DENND4A: variants seen among roughly 807,000 people sequenced by gnomAD.
The protein encoded by DENND4A is DENN domain containing 4A.
Under a neutral mutation model 199.3 loss-of-function variants are expected in DENND4A, and 70 were observed. That is an observed-to-expected ratio of 0.35 (90% CI 0.29 to 0.43). DENND4A has a LOEUF of 0.43. Ranked by LOEUF, DENND4A falls within the 20% of genes least tolerant of loss-of-function variation. The pLI is 1.00. For synonymous variants in DENND4A, 686 were observed against 766.9 expected (o/e 0.89, Z 1.74); for missense variants, 1,723 against 2,255.8 (o/e 0.76, Z 4.78).
At chr15:65,680,021 C>T (rs1443410518) in intron 23 of DENND4A, among the ~76,000 whole-genome samples, 1 of 152,186 alleles carries the variant, frequency 6.6e-6, no homozygotes, top group Non-Finnish European at 1.5e-5. Flanking sequence ...CTCCTTCACT[C>T]TTAGTACTTA....
chr15:65,663,910 C>T (rs1256457917), intron 32 of DENND4A, among the ~76,000 whole-genome samples: 1 of 152,080 alleles, frequency 6.6e-6, no homozygotes, highest in Non-Finnish European at 1.5e-5. Flanking sequence ...CCTTGGCCTC[C>T]CAAAGTGCTG....
rs777043554 is a variant in DENND4A, at chr15:65,696,447, T to C, written c.3001A>G (p.Ser1001Gly). The change falls in exon 22 of 33, where the codon AGT (serine) becomes GGT (glycine). Residue 1001 changes from serine (S) to glycine (G), a missense_variant. Ser to Gly is a moderately conservative substitution (Grantham distance 56, BLOSUM62 0). This residue lies in a region of DENND4A where 650 missense variants were observed against 738.1 expected (regional missense o/e 0.88). Transcript: ENST00000443035. ...ACGATACTGGAAGAATTTTGATAAC[T>C]GAGCTTAGGAAGGCAATCAGCACTT... The part of the protein sequence containing the change: ...KGSADCLPKL[S>G]YQNSSSIVRL... 6 of 1,612,678 alleles carry C rather than the reference T, an allele frequency of 3.7e-6. No individual in the cohort carries two copies. Among genetic ancestry groups the C allele is most frequent in the Non-Finnish European group, 5.1e-6 (6 of 1,179,136 alleles).
chr15:65,766,737 G>A (rs1011916670), intron 1 of DENND4A: 1 of 152,146 alleles, frequency 6.6e-6, no homozygotes, highest in African/African-American at 2.4e-5. Flanking sequence ...AAATCCCAAT[G>A]AAAACCAATC....
intron 4 of DENND4A, among the ~76,000 whole-genome samples, chr15:65,743,100 C>A (rs752374102): frequency 6.6e-6 from 1 of 152,140 alleles, no homozygotes; most frequent in Non-Finnish European, 1.5e-5. Flanking sequence ...ATCTCCCAAA[C>A]GGTCTTCCTC....
chr15:65,761,529 A>C (rs1415784741), intron 1 of DENND4A, 91 bp from the exon 2 acceptor site: 1 of 152,228 alleles, frequency 6.6e-6, no homozygotes, highest in Non-Finnish European at 1.5e-5. Flanking sequence ...TTCTGTTAAC[A>C]GTGATAATTA....
At chr15:65,663,195 TA>T (rs1338684730) in intron 32 of DENND4A, among the ~76,000 whole-genome samples, 5,211 of 119,956 alleles carry the variant, frequency 0.043, 116 homozygotes, top group African/African-American at 0.069. Flanking sequence ...TATATATATA[TA>T]TATTTTTTTT....
At chr15:65,682,094 A>T (rs1227716780) in intron 23 of DENND4A, among the ~76,000 whole-genome samples, 3 of 152,286 alleles carry the variant, frequency 2.0e-5, no homozygotes, top group Middle Eastern at 3.4e-3. Context: ...ATGGTAGATG[A>T]GCATTGGCTT....
chr15:65,685,685 G>A (rs2076753336), intron 23 of DENND4A, among the ~76,000 whole-genome samples: 1 of 151,984 alleles, frequency 6.6e-6, no homozygotes, highest in Admixed American at 6.5e-5. Context: ...TTCAATCTGT[G>A]GTTGGTTGAA....
In DENND4A at chr15:65,729,615, C is replaced by T. The variant is rs1490006785; in HGVS notation, c.1230G>A (p.Val410=). The change falls in exon 10 of 33, where the codon GTG becomes GTA. Residue 410 remains valine, a synonymous_variant. Coordinates refer to ENST00000443035, the MANE Select transcript of DENND4A (RefSeq NM_001320835.1). ...GAATTTTATGTTCTGTTACTGCAAACACCAGTAGTGTCACAGCATTTTCAG... is the reference window on the plus strand; with the variant it reads ...GAATTTTATGTTCTGTTACTGCAAATACCAGTAGTGTCACAGCATTTTCAG... ...LGPENAVTLL[V]FAVTEHKILI... is the part of the protein sequence containing the mutation. 2 of 1,581,924 alleles carry T rather than the reference C, an allele frequency of 1.3e-6. No individual in the cohort carries two copies. The highest frequency in any genetic ancestry group is 4.6e-5 in the East Asian group (2 of 43,552).
At chr15:65,739,553 G>A (rs2076199376) in intron 5 of DENND4A, among the ~76,000 whole-genome samples, 1 of 152,122 alleles carries the variant, frequency 6.6e-6, no homozygotes, top group Non-Finnish European at 1.5e-5. Flanking sequence ...ACTAGAAACA[G>A]AAAATAGGTT....
At chr15:65,788,626 C>G (rs1395781598) in intron 1 of DENND4A, among the ~76,000 whole-genome samples, 1 of 151,802 alleles carries the variant, frequency 6.6e-6, no homozygotes, top group Non-Finnish European at 1.5e-5. Context: ...GGGAGGCCAA[C>G]GCGGGCAGAC....
chr15:65,691,087 G>A lies in DENND4A; in HGVS notation c.3507C>T (p.Asp1169=). The change falls in exon 23 of 33, where the codon GAC becomes GAT. Residue 1169 remains aspartate (D), a synonymous_variant. Coordinates refer to ENST00000443035, the MANE Select transcript of DENND4A (RefSeq NM_001320835.1). ...TTGATACATCTGTTTCACTGTCTAAGTCTTCTAAGTCAAAAATAACAGGAG... is the reference window on the plus strand; with the variant it reads ...TTGATACATCTGTTTCACTGTCTAAATCTTCTAAGTCAAAAATAACAGGAG... ...VDSPVIFDLE[D]LDSETDVSKA... The A allele has an allele frequency of 6.2e-7, 1 of 1,613,144 alleles. No homozygotes were observed. Among genetic ancestry groups the A allele is most frequent in the Non-Finnish European group, 8.5e-7 (1 of 1,179,586 alleles).
chr15:65,733,394 TA>T lies in DENND4A; in HGVS notation c.1041-577del, dbSNP rs550872312. On this transcript the variant is annotated intron_variant, in intron 7 of 32. Transcript: ENST00000443035. ...AGCAACCATAGTGAAAAATCTTTCCTAGGGGGGAATAAGCTATTTTATTTCT... is the reference window on the plus strand; with the variant it reads ...AGCAACCATAGTGAAAAATCTTTCCTGGGGGGAATAAGCTATTTTATTTCT... Among the ~76,000 whole-genome samples the T allele has an allele frequency of 1.1e-4, 17 of 152,248 alleles. No homozygotes were observed. In the East Asian group the frequency reaches 2.3e-3, roughly 21 times the overall value.
intron 14 of DENND4A, among the ~76,000 whole-genome samples, chr15:65,712,880 A>G (rs989798079): frequency 6.6e-6 from 1 of 152,162 alleles, no homozygotes. Context: ...AACATCATGG[A>G]TACTATATAC....
At chr15:65,719,091 T>C (rs1460892771) in intron 12 of DENND4A, among the ~76,000 whole-genome samples, 1 of 151,268 alleles carries the variant, frequency 6.6e-6, no homozygotes, top group Non-Finnish European at 1.5e-5. Context: ...CTTTGCATGT[T>C]ATGTGCACAT....
In DENND4A at chr15:65,661,677, C is replaced by T. The variant is rs2075847258; in HGVS notation, c.*174G>A. 2.1e-6 allele frequency: 1 copy of T among 467,890 alleles called. No individual in the cohort carries two copies. The highest frequency in any genetic ancestry group is 3.6e-6 in the Non-Finnish European group (1 of 281,526). The allele number at this position is 467,890 out of a possible 1,614,324, so 29.0% of individuals were successfully genotyped here. ...AATGAGAAACAAAGTGGCTTTCTCC[C>T]CACTTGTCACTATTCTCTTCTTCAA... On this transcript the variant is annotated 3_prime_UTR_variant, in exon 33 of 33. Coordinates refer to ENST00000443035, the MANE Select transcript of DENND4A (RefSeq NM_001320835.1).
At chr15:65,778,640 T>C (rs764521084) in intron 1 of DENND4A, among the ~76,000 whole-genome samples, 5 of 152,170 alleles carry the variant, frequency 3.3e-5, no homozygotes, top group Non-Finnish European at 7.4e-5. Flanking sequence ...GGCTCATGCC[T>C]GTAATCCCAG....
chr15:65,662,374 G>C (rs1446267999), intron 32 of DENND4A, among the ~76,000 whole-genome samples: 1 of 151,920 alleles, frequency 6.6e-6, no homozygotes, highest in Admixed American at 6.6e-5. Context: ...TTTAAATTTT[G>C]CTTCAACAGA....
chr15:65,784,055 T>C (rs1391080826), intron 1 of DENND4A, among the ~76,000 whole-genome samples: 1 of 152,154 alleles, frequency 6.6e-6, no homozygotes, highest in African/African-American at 2.4e-5. Flanking sequence ...GTATTTCCCC[T>C]TGATATGATG....
Sources: allele counts gnomAD v4.1 joint callset (sites outside exome capture counted in the v4.1 genomes callset), GRCh38; gene constraint gnomAD v4.1.1; regional missense constraint gnomAD v4.1.1; transcripts MANE v1.5; gene names NCBI Gene and HGNC (gene_info 2026-07-23, HGNC 2026-07-21).